Variants in GATA4 observed in about 807,000 individuals in gnomAD.
GATA4 encodes the protein transcription factor GATA-4.
Under a neutral mutation model 37.9 loss-of-function variants are expected in GATA4, and 7 were observed. That is an observed-to-expected ratio of 0.18 (90% CI 0.11 to 0.35). The LOEUF is 0.35. Ranked by LOEUF, GATA4 falls within the 10% of genes least tolerant of loss-of-function variation. The pLI is 1.00. For synonymous variants in GATA4, 372 were observed against 292.6 expected, an observed-to-expected ratio of 1.27 and a Z score of -2.77; for missense variants, 647 against 653.0, an observed-to-expected ratio of 0.99 and a Z score of 0.10.
At chr8:11,727,622 C>G (rs1184809322) in intron 2 of GATA4, among the ~76,000 whole-genome samples, 1 of 152,036 alleles carries the variant, frequency 6.6e-6, no homozygotes. Context: ...GCAGGCAGAT[C>G]GCTTGAGCTC....
At chr8:11,742,285 T>A (rs955267366) in intron 2 of GATA4, among the ~76,000 whole-genome samples, 31 of 152,320 alleles carry the variant, frequency 2.0e-4, no homozygotes, top group African/African-American at 7.2e-4. Flanking sequence ...CCTCTTTGCA[T>A]ATGAGCGGGT....
intron 3 of GATA4, 107 bp from the exon 4 acceptor site, chr8:11,750,004 C>T (rs1023852132): frequency 1.3e-6 from 2 of 1,533,886 alleles, no homozygotes; most frequent in Non-Finnish European, 8.9e-7. Context: ...CGTTAGGGCC[C>T]AGCCCTGCCT....
intron 1 of GATA4, among the ~76,000 whole-genome samples, chr8:11,695,281 C>A (rs1799470870): frequency 6.6e-6 from 1 of 152,102 alleles, no homozygotes; most frequent in Non-Finnish European, 1.5e-5. Flanking sequence ...TGGCACATGC[C>A]TGTAATCCCA....
intron 2 of GATA4, among the ~76,000 whole-genome samples, chr8:11,719,894 C>G (rs1037638420): frequency 6.6e-6 from 1 of 152,126 alleles, no homozygotes. Context: ...TAATTTATAG[C>G]CACTTTAAAA....
chr8:11,684,130 T>A (rs1799064950), intron 1 of GATA4, among the ~76,000 whole-genome samples: 1 of 152,174 alleles, frequency 6.6e-6, no homozygotes, highest in African/African-American at 2.4e-5. Flanking sequence ...GTGATGGAGA[T>A]CCCTGAGCTG....
intron 2 of GATA4, among the ~76,000 whole-genome samples, chr8:11,745,622 A>G (rs1207012856): frequency 1.3e-5 from 2 of 152,040 alleles, no homozygotes; most frequent in Admixed American, 6.5e-5. Context: ...TAGTGTGGGA[A>G]AAAGAAAAAA....
At chr8:11,694,222 T>C (rs1031404663) in intron 1 of GATA4, among the ~76,000 whole-genome samples, 8 of 152,178 alleles carry the variant, frequency 5.3e-5, no homozygotes, top group Non-Finnish European at 8.8e-5. Flanking sequence ...TCAATAAATG[T>C]TTGCTTTGTG....
At chr8:11,756,245 A>G (rs1028214185) in intron 5 of GATA4, among the ~76,000 whole-genome samples, 2 of 152,168 alleles carry the variant, frequency 1.3e-5, no homozygotes, top group African/African-American at 4.8e-5. Flanking sequence ...GAACATGATC[A>G]AAGTTCTGCT....
At chr8:11,735,014 C>A (rs980840961) in intron 2 of GATA4, among the ~76,000 whole-genome samples, 3 of 152,132 alleles carry the variant, frequency 2.0e-5, no homozygotes, top group African/African-American at 7.2e-5. Context: ...TCAAATAAAG[C>A]AGATCCACAT....
In GATA4 at chr8:11,758,814, C is replaced by T. The variant is rs1013671588; in HGVS notation, c.*339C>T. On this transcript the variant is annotated 3_prime_UTR_variant, in exon 7 of 7. Coordinates refer to ENST00000532059, the MANE Select transcript of GATA4 (RefSeq NM_001308093.3). ...GGGTTTTGCATTGTGTTTCTAGCAC[C>T]GAGGATCTGAGAACAAGCGGAGGGC... The T allele has an allele frequency of 1.4e-5, 5 of 368,444 alleles. No homozygotes were observed. The highest frequency in any genetic ancestry group is 3.8e-5 in the Admixed American group (1 of 26,292). 22.8% of individuals were successfully genotyped at this position (368,444 alleles called of 1,614,324 possible).
At chr8:11,726,263 C>A (rs932332905) in intron 2 of GATA4, among the ~76,000 whole-genome samples, 11 of 152,160 alleles carry the variant, frequency 7.2e-5, no homozygotes, top group Non-Finnish European at 1.5e-4. Flanking sequence ...AACAGAAGCC[C>A]AGGGATGAGC....
rs1801626917 is a variant in GATA4 at position 11,739,632 on chromosome 8, A to T, written c.617-9284A>T. ...GTGGCCGGGCAGCCCAGCTGGCCGGAAGCCGAGCCCTGGGAGTGACGCTGT... is the reference window on the plus strand; with the variant it reads ...GTGGCCGGGCAGCCCAGCTGGCCGGTAGCCGAGCCCTGGGAGTGACGCTGT... On this transcript the variant is annotated intron_variant, in intron 2 of 6. Transcript: ENST00000532059. 1.3e-5 allele frequency among the ~76,000 whole-genome samples: 2 copies of T among 151,504 alleles called. 1 individual carries two copies. Among genetic ancestry groups the T allele is most frequent in the African/African-American group, 4.9e-5 (2 of 41,016 alleles).
chr8:11,740,558 A>G (rs1167957512), intron 2 of GATA4, among the ~76,000 whole-genome samples: 1 of 152,194 alleles, frequency 6.6e-6, no homozygotes, highest in Non-Finnish European at 1.5e-5. Context: ...AGCTTCCCAC[A>G]TGGAGGCCCC....
At chr8:11,750,430 G>C (rs906482459) in intron 4 of GATA4, among the ~76,000 whole-genome samples, 194 bp downstream of exon 4, 1 of 152,216 alleles carries the variant, frequency 6.6e-6, no homozygotes, top group African/African-American at 2.4e-5. Context: ...CCGTTTTACA[G>C]ATGAGCAGGC....
chr8:11,743,235 C>T (rs1199536103), intron 2 of GATA4, among the ~76,000 whole-genome samples: 1 of 152,280 alleles, frequency 6.6e-6, no homozygotes, highest in East Asian at 1.9e-4. Flanking sequence ...TAGACCAAAA[C>T]AACTTTGGGC....
chr8:11,721,518 T>C (rs1025375151), intron 2 of GATA4, among the ~76,000 whole-genome samples: 11 of 152,014 alleles, frequency 7.2e-5, no homozygotes, highest in Middle Eastern at 3.4e-3. Flanking sequence ...TCCCGCTGAG[T>C]CACCCATTTC....
chr8:11,687,149 C>A (rs908429735), intron 1 of GATA4, among the ~76,000 whole-genome samples: 14 of 152,168 alleles, frequency 9.2e-5, no homozygotes, highest in African/African-American at 3.4e-4. Context: ...GAGGACACAG[C>A]TGGGAGGGAA....
At position 11,756,931 on chromosome 8, in the gene GATA4, C is replaced by A; in HGVS notation, c.1001-4C>A. 6.2e-7 allele frequency: 1 copy of A among 1,614,232 alleles called. No homozygotes were observed. The highest frequency in any genetic ancestry group is 8.5e-7 in the Non-Finnish European group (1 of 1,180,044). On this transcript the variant is annotated splice_polypyrimidine_tract_variant and splice_region_variant and intron_variant, in intron 5 of 6. Transcript: ENST00000532059. ...TTGGGTGTGCTGACTCTGCTTCATT[C>A]CAGCTCCTTCAGGCAGTGAGAGCCT...
chr8:11,685,990 C>G (rs552566516), intron 1 of GATA4, among the ~76,000 whole-genome samples: 1 of 152,202 alleles, frequency 6.6e-6, no homozygotes, highest in African/African-American at 2.4e-5. Flanking sequence ...AAGCGGAGGA[C>G]AGGACTGCAG....
Sources: gnomAD v4.1 joint callset for allele counts (sites outside exome capture counted in the v4.1 genomes callset) on GRCh38, gnomAD v4.1.1 for gene constraint, MANE v1.5 for transcripts, NCBI Gene and HGNC (gene_info 2026-07-23, HGNC 2026-07-21) for gene names.